JAK1: variants seen among roughly 807,000 people sequenced by gnomAD.
JAK1 encodes the protein Janus kinase 1.
In JAK1, 16 loss-of-function variants were observed where a neutral mutation model predicts 136.6. The ratio of observed to expected loss-of-function variants is 0.12; its 90% CI spans 0.08 to 0.18. The LOEUF is 0.18. Ranked by LOEUF, JAK1 falls within the 10% of genes least tolerant of loss-of-function variation. The pLI, the probability that JAK1 is intolerant of heterozygous loss-of-function variation, is 1.00. For synonymous variants in JAK1, 492 were observed against 519.5 expected (o/e 0.95, Z 0.72); for missense variants, 859 against 1,450.1 (o/e 0.59, Z 6.62).
At chr1:65,062,406 T>C (rs1044016287) in intron 1 of JAK1, among the ~76,000 whole-genome samples, 20 of 152,222 alleles carry the variant, frequency 1.3e-4, no homozygotes, top group Admixed American at 7.2e-4. Flanking sequence ...GGTCTCCAAT[T>C]AATCTATGAT....
intron 1 of JAK1, among the ~76,000 whole-genome samples, chr1:64,958,980 T>C (rs1245605447): frequency 1.3e-5 from 2 of 152,248 alleles, no homozygotes; most frequent in Non-Finnish European, 2.9e-5. Context: ...ATGTTTTAAA[T>C]ACCTACAGGT....
rs1337137854 is a variant in JAK1, at chr1:65,054,242, G to A, written c.-180-9660C>T. ...ACAAATAGGAAAACTATTCGTGACA[G>A]ACAGCAAGCTGTAGAATGCTCCTTT... On this transcript the variant is annotated intron_variant, in intron 1 of 25. Transcript: ENST00000671954. Among the ~76,000 whole-genome samples, 7 of 152,236 alleles carry A rather than the reference G, an allele frequency of 4.6e-5. 1 individual carries two copies. The highest frequency in any genetic ancestry group is 8.8e-5 in the Non-Finnish European group (6 of 68,022).
intron 1 of JAK1, among the ~76,000 whole-genome samples, chr1:65,049,377 G>A (rs1485357996): frequency 4.6e-5 from 7 of 152,146 alleles, no homozygotes; most frequent in African/African-American, 1.4e-4. Context: ...AGCCATGATC[G>A]TGGCCCTGCA....
chr1:65,063,804 CAAAAAAAAAA>C (rs370192253), intron 1 of JAK1, among the ~76,000 whole-genome samples: 1 of 81,372 alleles, frequency 1.2e-5, no homozygotes, highest in East Asian at 3.1e-4. Flanking sequence ...GACTCTATCT[CAAAAAAAAAA>C]AAAAAAAAAG....
At chr1:64,938,113 C>G (rs902717948) in intron 1 of JAK1, among the ~76,000 whole-genome samples, 1 of 151,822 alleles carries the variant, frequency 6.6e-6, no homozygotes, top group Non-Finnish European at 1.5e-5. Context: ...ATCTCCTGAC[C>G]TCGTGATCTG....
chr1:65,064,804 T>C (rs1647969012), intron 1 of JAK1, among the ~76,000 whole-genome samples: 1 of 152,210 alleles, frequency 6.6e-6, no homozygotes, highest in African/African-American at 2.4e-5. Context: ...CAACCTTCTC[T>C]ATCTAGAGCA....
chr1:65,005,725 T>C (rs888426971), intron 2 of JAK1, among the ~76,000 whole-genome samples: 8 of 152,114 alleles, frequency 5.3e-5, no homozygotes, highest in Non-Finnish European at 1.2e-4. Context: ...AATATGTGAG[T>C]TATCTCCAAT....
chr1:64,943,247 C>T (rs948006994), intron 1 of JAK1, among the ~76,000 whole-genome samples: 5 of 152,054 alleles, frequency 3.3e-5, no homozygotes, highest in Non-Finnish European at 5.9e-5. Flanking sequence ...TACCTATTAC[C>T]TCATCAGATG....
intron 1 of JAK1, among the ~76,000 whole-genome samples, chr1:64,950,147 C>T (rs940171040): frequency 6.6e-6 from 1 of 152,130 alleles, no homozygotes; most frequent in African/African-American, 2.4e-5. Context: ...CAGTGGCTTA[C>T]ACCTGCAATC....
At chr1:64,915,800 T>C (rs1441270568) in intron 1 of JAK1, among the ~76,000 whole-genome samples, 1 of 152,068 alleles carries the variant, frequency 6.6e-6, no homozygotes, top group Non-Finnish European at 1.5e-5. Context: ...AGACAAAGGG[T>C]CCTGTAACTA....
At chr1:65,002,206 G>A (rs992915069) in intron 2 of JAK1, 1 of 152,182 alleles carries the variant, frequency 6.6e-6, no homozygotes, top group African/African-American at 2.4e-5. Flanking sequence ...CACATATATG[G>A]GTGTGTATGT....
At chr1:65,063,287 G>A (rs1213957779) in intron 1 of JAK1, among the ~76,000 whole-genome samples, 1 of 152,166 alleles carries the variant, frequency 6.6e-6, no homozygotes, top group Non-Finnish European at 1.5e-5. Context: ...GCTATGTTCA[G>A]GATCCTTTTA....
At position 64,847,667 on chromosome 1, in the gene JAK1, G is replaced by A. The variant is rs1403316576; in HGVS notation, c.1764C>T (p.His588=). 4 of 1,613,786 alleles carry A rather than the reference G, an allele frequency of 2.5e-6. No homozygotes were observed. The highest frequency in any genetic ancestry group is 2.5e-6 in the Non-Finnish European group (3 of 1,179,914). Residue 588 remains histidine (H), a synonymous_variant, in exon 13 of 25, where the codon CAC becomes CAT. Transcript: ENST00000342505. ...TGTGTGTTCTCGTGCCTCTCCCAAGGTGCTCGCCCTGAGGGAAGAAGCAGA... is the reference window on the plus strand; with the variant it reads ...TGTGTGTTCTCGTGCCTCTCCCAAGATGCTCGCCCTGAGGGAAGAAGCAGA... ...ILKKDLVQGE[H]LGRGTRTHIY...
At position 64,864,872 on chromosome 1, in the gene JAK1, T is replaced by C. The variant is rs768757277; in HGVS notation, c.1091A>G (p.Asn364Ser). The change falls in exon 8 of 25, where the codon AAC becomes AGC. Residue 364 changes from asparagine to serine, a missense_variant. Asn to Ser is a conservative substitution (Grantham distance 46). This residue lies in a region of JAK1 where 353 missense variants were observed against 494.0 expected (regional missense o/e 0.71). Coordinates refer to ENST00000342505, the MANE Select transcript of JAK1 (RefSeq NM_002227.4). ...GATTTCAGGGAAGTAAGAAAAATTG[T>C]TCCACTCTTCCCGGATCTTGTTTTT... ...EEKNKIREEWNNFSYFPEITH... is the reference protein window; with the variant it reads ...EEKNKIREEWSNFSYFPEITH... 2 of 1,613,790 alleles carry C rather than the reference T, an allele frequency of 1.2e-6. No homozygotes were observed. The highest frequency in any genetic ancestry group is 2.2e-5 in the South Asian group (2 of 91,074).
intron 1 of JAK1, among the ~76,000 whole-genome samples, chr1:64,964,932 T>C (rs953455272): frequency 6.6e-6 from 1 of 152,084 alleles, no homozygotes; most frequent in African/African-American, 2.4e-5. Context: ...AACACATTGA[T>C]CCTTCAATGA....
chr1:64,875,114 C>T (rs1191405190), intron 4 of JAK1, among the ~76,000 whole-genome samples: 7 of 152,204 alleles, frequency 4.6e-5, no homozygotes, highest in Non-Finnish European at 8.8e-5. Flanking sequence ...AGTGTGTGCT[C>T]TAGGCACTGT....
At chr1:65,025,773 G>A (rs1446375399) in intron 2 of JAK1, among the ~76,000 whole-genome samples, 2 of 152,096 alleles carry the variant, frequency 1.3e-5, no homozygotes, top group African/African-American at 4.8e-5. Flanking sequence ...GACCTCCTAG[G>A]CTCAAGAAAT....
At chr1:64,963,636 G>A (rs72922276) in intron 1 of JAK1, among the ~76,000 whole-genome samples, 15,196 of 152,026 alleles carry the variant, frequency 0.1, 815 homozygotes, top group African/African-American at 0.14. Context: ...TGCATAGCAC[G>A]TCACAGTTTC....
intron 5 of JAK1, among the ~76,000 whole-genome samples, chr1:64,872,424 T>C (rs905815972): frequency 2.6e-5 from 4 of 152,236 alleles, no homozygotes; most frequent in African/African-American, 9.6e-5. Context: ...TCTGATCATA[T>C]GATTTAAATT....
Sources: allele counts gnomAD v4.1 joint callset (sites outside exome capture counted in the v4.1 genomes callset), GRCh38; gene constraint gnomAD v4.1.1; regional missense constraint gnomAD v4.1.1; transcripts MANE v1.5; gene names NCBI Gene and HGNC (gene_info 2026-07-23, HGNC 2026-07-21).